Variants in TEAD4 observed in about 807,000 individuals in gnomAD.
The protein encoded by TEAD4 is TEA domain transcription factor 4.
Under a neutral mutation model 52.4 loss-of-function variants are expected in TEAD4, and 36 were observed. The observed-to-expected ratio is 0.69, with a 90% CI of 0.53 to 0.91. The LOEUF (loss-of-function observed/expected upper bound fraction) is 0.91, where lower values mean the gene tolerates loss of function less well. Among genes scored for constraint, TEAD4 ranks in the 40% least tolerant of loss-of-function variants. TEAD4 has a pLI of 0.00. For missense variants in TEAD4, 508 were observed against 583.9 expected (o/e 0.87, Z 1.34); for synonymous variants, 220 against 231.0 (o/e 0.95, Z 0.43).
intron 2 of TEAD4, among the ~76,000 whole-genome samples, chr12:2,965,559 A>G (rs1312803624): frequency 1.3e-5 from 2 of 151,142 alleles, no homozygotes; most frequent in African/African-American, 4.9e-5. Flanking sequence ...TCAGTGTAAT[A>G]ATTTTTTTTT....
At chr12:2,973,878 G>C (rs577515734) in intron 2 of TEAD4, among the ~76,000 whole-genome samples, 1 of 152,216 alleles carries the variant, frequency 6.6e-6, no homozygotes, top group Non-Finnish European at 1.5e-5. Flanking sequence ...CAGGCCTGCA[G>C]GAGTAAGGTG....
At chr12:3,022,645 CGTCTT>C (rs1418212119) in intron 10 of TEAD4, among the ~76,000 whole-genome samples, 1 of 152,198 alleles carries the variant, frequency 6.6e-6, no homozygotes. Context: ...TCCATTGAAA[CGTCTT>C]GTCTGAGGCC....
intron 2 of TEAD4, among the ~76,000 whole-genome samples, chr12:2,966,696 C>T (rs1010675908): frequency 6.6e-6 from 1 of 151,722 alleles, no homozygotes; most frequent in Non-Finnish European, 1.5e-5. Context: ...CAGGTGTGAG[C>T]CACCATGCCC....
At position 3,040,383 on chromosome 12, in the gene TEAD4, A is replaced by G; in HGVS notation, c.1210A>G (p.Thr404Ala). 1 of 1,614,188 alleles carries G rather than the reference A, an allele frequency of 6.2e-7. No homozygotes were observed. Among genetic ancestry groups the G allele is most frequent in the South Asian group, 1.1e-5 (1 of 91,084 alleles). The change falls in exon 13 of 13, where the codon ACA becomes GCA. Residue 404 changes from threonine to alanine, a missense_variant. Physicochemically the swap from Thr to Ala is moderately conservative, Grantham distance 58. Transcript: ENST00000359864. Reference sequence around the variant, plus strand: ...CCCACAGGTGGTCACCAACAGAGACACACAGGAGACCTTGCTGTGCATTGC... The same window carrying G: ...CCCACAGGTGGTCACCAACAGAGACGCACAGGAGACCTTGCTGTGCATTGC...
chr12:3,033,514 G>A lies in TEAD4; in HGVS notation c.898-4454G>A, dbSNP rs970525946. Among the ~76,000 whole-genome samples the A allele has an allele frequency of 1.7e-4, 26 of 152,326 alleles. No homozygotes were observed. In the East Asian group the frequency reaches 2.3e-3, roughly 14 times the overall value. On this transcript the variant is annotated intron_variant, in intron 10 of 12. Coordinates refer to ENST00000359864, the MANE Select transcript of TEAD4 (RefSeq NM_003213.4). ...ATGCCAGGCAGAGCCGGGCTGCACC[G>A]TGGAGGCAGCAGAGTACCCCAGGCC...
Position 2,994,958 on chromosome 12 carries a change from C to G in TEAD4, c.192C>G (p.Arg64=). 6.2e-7 allele frequency: 1 copy of G among 1,614,130 alleles called. No homozygotes were observed. The highest frequency in any genetic ancestry group is 8.5e-7 in the Non-Finnish European group (1 of 1,180,020). Residue 64 remains arginine, a synonymous_variant, in exon 3 of 13, where the codon CGC becomes CGG. Transcript: ENST00000359864. This position sits in a 1 kb window ranked among gnomAD's most constrained non-coding sequence, Gnocchi z 4.7. ...CCATCTACCCGCCCTGTGGCAGGCG[C>G]AAAATCATCCTGTCGGACGAGGGCA...
chr12:3,014,353 G>C (rs1192972343), intron 5 of TEAD4, among the ~76,000 whole-genome samples: 1 of 152,248 alleles, frequency 6.6e-6, no homozygotes, highest in Non-Finnish European at 1.5e-5. Flanking sequence ...CTTGTCCACA[G>C]GTTCTGACCT....
rs1465790285 is a variant in TEAD4, at chr12:2,983,699, A to T, written c.-29-11039A>T. ...CTCTTTTTCTGGTATGCCAAAATCC[A>T]GACATTTCCTGAGGTTTCTTTTGTT... is the stretch of plus-strand genomic sequence containing the variant. On this transcript the variant is annotated intron_variant, in intron 2 of 12. Coordinates refer to ENST00000359864, the MANE Select transcript of TEAD4 (RefSeq NM_003213.4). Among the ~76,000 whole-genome samples, 5 of 152,354 alleles carry T rather than the reference A, an allele frequency of 3.3e-5. No homozygotes were observed. The East Asian group carries it at 9.6e-4, about 29-fold the overall frequency.
chr12:2,977,527 G>A (rs1351918453), intron 2 of TEAD4, among the ~76,000 whole-genome samples: 1 of 152,210 alleles, frequency 6.6e-6, no homozygotes, highest in Non-Finnish European at 1.5e-5. Context: ...TGGCCGGGAA[G>A]GTGCTGCCGT....
chr12:2,991,061 T>C (rs1397344985), intron 2 of TEAD4, among the ~76,000 whole-genome samples: 3 of 152,142 alleles, frequency 2.0e-5, no homozygotes, highest in Non-Finnish European at 4.4e-5. Flanking sequence ...TAGCCGGGCA[T>C]GGTGGTGCGT....
chr12:2,972,825 G>T (rs1012351374), intron 2 of TEAD4, among the ~76,000 whole-genome samples: 1 of 152,148 alleles, frequency 6.6e-6, no homozygotes, highest in Non-Finnish European at 1.5e-5. Context: ...CTATAAAATA[G>T]AGTGAATCTT....
In TEAD4 at chr12:2,963,986, G is replaced by A. The variant is rs2153952096; in HGVS notation, c.-30+3946G>A. Among the ~76,000 whole-genome samples the A allele has an allele frequency of 2.6e-5, 4 of 152,210 alleles. 1 individual carries two copies. The highest frequency in any genetic ancestry group is 2.6e-4 in the Admixed American group (4 of 15,284). On this transcript the variant is annotated intron_variant, in intron 2 of 12. Transcript: ENST00000359864. The stretch of plus-strand genomic sequence containing the variant: ...TCACCAGGGGCAGGAAATGGGAACT[G>A]TGCAGAGCCAGGGGTGACCCTCCTG...
In TEAD4 at chr12:2,968,792, GT is replaced by G. The variant is rs1057325639; in HGVS notation, c.-30+8755del. On this transcript the variant is annotated intron_variant, in intron 2 of 12. Transcript: ENST00000359864. ...GTCTCCCAAGTAGCTGGGATGACAG[GT>G]TTGTGCCACCATGCCCTGCCAATTT... Among the ~76,000 whole-genome samples the G allele has an allele frequency of 4.2e-4, 64 of 152,128 alleles. 1 individual carries two copies. The highest frequency in any genetic ancestry group is 1.5e-3 in the African/African-American group (64 of 41,498).
chr12:2,992,953 T>C (rs1453233362), intron 2 of TEAD4, among the ~76,000 whole-genome samples: 2 of 152,276 alleles, frequency 1.3e-5, no homozygotes, highest in African/African-American at 2.4e-5. Context: ...GTTGTGACCA[T>C]GAGCCTCCAG....
chr12:3,039,780 C>T (rs555803297), intron 11 of TEAD4, among the ~76,000 whole-genome samples: 4 of 152,320 alleles, frequency 2.6e-5, no homozygotes, highest in African/African-American at 7.2e-5. Flanking sequence ...CTCCGCCTCC[C>T]GGGTTCAAGC....
intron 9 of TEAD4, among the ~76,000 whole-genome samples, chr12:3,020,993 C>T (rs951015799): frequency 6.6e-6 from 1 of 152,112 alleles, no homozygotes; most frequent in African/African-American, 2.4e-5. Flanking sequence ...GTCCCAGCGC[C>T]CAGTCAGCGT....
At chr12:2,995,785 T>A (rs921999062) in intron 3 of TEAD4, among the ~76,000 whole-genome samples, 2 of 151,916 alleles carry the variant, frequency 1.3e-5, no homozygotes, top group African/African-American at 4.8e-5. Context: ...GGTGGGAGGA[T>A]CACTTGAGGC....
chr12:2,977,439 G>C (rs890474688), intron 2 of TEAD4, among the ~76,000 whole-genome samples: 3 of 152,154 alleles, frequency 2.0e-5, no homozygotes, highest in Non-Finnish European at 4.4e-5. Flanking sequence ...GGATTGTGGG[G>C]CCTCCCCCCC....
chr12:3,018,818 A>G (rs962100599), intron 7 of TEAD4, among the ~76,000 whole-genome samples: 4 of 151,958 alleles, frequency 2.6e-5, no homozygotes, highest in African/African-American at 7.3e-5. Flanking sequence ...CAGTCTGTCC[A>G]GGGTATAGGC....
Sources: gnomAD v4.1 joint callset for allele counts (sites outside exome capture counted in the v4.1 genomes callset) on GRCh38, gnomAD v4.1.1 for gene constraint, Gnocchi (gnomAD v3.1) non-coding constraint, MANE v1.5 for transcripts, NCBI Gene and HGNC (gene_info 2026-07-23, HGNC 2026-07-21) for gene names.